Variants in JMJD1C observed in about 807,000 individuals in gnomAD.
JMJD1C encodes the protein jumonji domain-containing protein 1C.
A neutral mutation model predicts 245.3 loss-of-function variants in JMJD1C; 31 were observed. The ratio of observed to expected loss-of-function variants is 0.13; its 90% CI spans 0.09 to 0.17. The LOEUF (loss-of-function observed/expected upper bound fraction) is 0.17, where lower values mean the gene tolerates loss of function less well. JMJD1C is among the 10% of genes least tolerant of loss of function. JMJD1C has a pLI of 1.00. For missense variants in JMJD1C, 2,691 were observed against 3,000.2 expected (o/e 0.90, Z 2.41); for synonymous variants, 1,057 against 1,017.4 (o/e 1.04, Z -0.74).
At chr10:63,432,771 G>C (rs533023512) in intron 1 of JMJD1C, among the ~76,000 whole-genome samples, 1 of 152,142 alleles carries the variant, frequency 6.6e-6, no homozygotes. Flanking sequence ...ACCTAGAACA[G>C]CCATAAGAAG....
At chr10:63,225,426 C>T (rs1382588460) in intron 3 of JMJD1C, among the ~76,000 whole-genome samples, 1 of 152,108 alleles carries the variant, frequency 6.6e-6, no homozygotes, top group Non-Finnish European at 1.5e-5. Flanking sequence ...CCTCCTCTTG[C>T]AAAGATAGAC....
intron 2 of JMJD1C, among the ~76,000 whole-genome samples, chr10:63,379,734 T>C (rs1175969258): frequency 6.6e-6 from 1 of 152,184 alleles, no homozygotes; most frequent in African/African-American, 2.4e-5. Flanking sequence ...CAATTTATAT[T>C]TTAATTTGAT....
chr10:63,319,734 A>G (rs1306923297), intron 2 of JMJD1C, among the ~76,000 whole-genome samples: 1 of 152,126 alleles, frequency 6.6e-6, no homozygotes, highest in African/African-American at 2.4e-5. Context: ...TGTTCTTCAA[A>G]TAGATCAATT....
At chr10:63,509,223 T>A (rs181324130) in intron 1 of JMJD1C, among the ~76,000 whole-genome samples, 83 of 152,260 alleles carry the variant, frequency 5.5e-4, no homozygotes, top group African/African-American at 1.9e-3. Context: ...TGTGCTAGAT[T>A]ACACTAACTG....
rs758339158 is a variant in JMJD1C at position 63,207,898 on chromosome 10, T to G, written c.3771A>C (p.Pro1257=). The G allele has an allele frequency of 3.2e-5, 52 of 1,614,042 alleles. No homozygotes were observed. The East Asian group carries it at 1.1e-3, about 35-fold the overall frequency. The change falls in exon 10 of 26, where the codon CCA becomes CCC. Residue 1257 remains proline (P), a synonymous_variant. Coordinates refer to ENST00000399262, the MANE Select transcript of JMJD1C (RefSeq NM_032776.3). ...SQKPPTLIPE[P]KDSQANFKSS... The stretch of plus-strand genomic sequence containing the variant: ...TCTTAAAATTTGCCTGGGAGTCTTT[T>G]GGTTCGGGTATTAGAGTTGGAGGCT...
chr10:63,380,104 T>A (rs985552282), intron 2 of JMJD1C: 1 of 482,754 alleles, frequency 2.1e-6, no homozygotes, highest in African/African-American at 2.2e-5. Context: ...CACATCCAGC[T>A]ATTTTTTTTT....
chr10:63,442,935 C>T (rs1430422095), intron 1 of JMJD1C, among the ~76,000 whole-genome samples: 1 of 152,132 alleles, frequency 6.6e-6, no homozygotes, highest in Admixed American at 6.5e-5. Context: ...CCCTACAATT[C>T]AATTCTGACA....
chr10:63,301,326 TTCTC>T (rs1860047538), intron 2 of JMJD1C, among the ~76,000 whole-genome samples: 1 of 152,194 alleles, frequency 6.6e-6, no homozygotes, highest in African/African-American at 2.4e-5. Context: ...CTGAGAATCT[TTCTC>T]TCTCACATGC....
intron 1 of JMJD1C, among the ~76,000 whole-genome samples, chr10:63,458,885 G>C (rs1952597923): frequency 6.6e-6 from 1 of 151,900 alleles, no homozygotes; most frequent in African/African-American, 2.4e-5. Context: ...CACCACGCCT[G>C]GCTACTTTTT....
chr10:63,493,364 C>T (rs1475005020), intron 1 of JMJD1C, among the ~76,000 whole-genome samples: 2 of 138,164 alleles, frequency 1.4e-5, no homozygotes, highest in Non-Finnish European at 3.0e-5. Flanking sequence ...TTGGTTCAAG[C>T]GATTCTCCTG....
At position 63,168,585 on chromosome 10, in the gene JMJD1C, C is replaced by A; in HGVS notation, c.7402-19G>T. Reference sequence around the variant, plus strand: ...TCTGAACCTATCCCCAAAAGAAAAACCGTGAAATACAAGTTTTAGGAGGTG... The same window carrying A: ...TCTGAACCTATCCCCAAAAGAAAAAACGTGAAATACAAGTTTTAGGAGGTG... On this transcript the variant is annotated intron_variant, in intron 24 of 25. Transcript: ENST00000399262. 6.5e-7 allele frequency: 1 copy of A among 1,549,402 alleles called. No individual in the cohort carries two copies. The highest frequency in any genetic ancestry group is 1.4e-5 in the African/African-American group (1 of 71,252).
upstream of JMJD1C, chr10:63,466,193 A>G (rs1435363524): frequency 5.4e-6 from 1 of 185,294 alleles, no homozygotes; most frequent in Non-Finnish European, 1.1e-5. Flanking sequence ...GCCGCGGGAA[A>G]GTAGGCGACA....
chr10:63,351,579 T>C (rs991377497), intron 2 of JMJD1C, among the ~76,000 whole-genome samples: 15 of 152,166 alleles, frequency 9.9e-5, no homozygotes, highest in African/African-American at 3.1e-4. Flanking sequence ...CTGAGAGCAT[T>C]TGCTGAATGG....
chr10:63,406,953 A>C (rs1949207107), intron 1 of JMJD1C, among the ~76,000 whole-genome samples: 1 of 152,210 alleles, frequency 6.6e-6, no homozygotes, highest in African/African-American at 2.4e-5. Context: ...TGGGTAAAAT[A>C]AACTAATTTT....
At chr10:63,355,583 A>G (rs571357201) in intron 2 of JMJD1C, among the ~76,000 whole-genome samples, 2 of 152,320 alleles carry the variant, frequency 1.3e-5, no homozygotes, top group East Asian at 1.9e-4. Flanking sequence ...GAAAAAATTG[A>G]GCAGTATGTG....
chr10:63,303,515 A>AG (rs1860343062), intron 2 of JMJD1C, among the ~76,000 whole-genome samples: 1 of 152,186 alleles, frequency 6.6e-6, no homozygotes, highest in South Asian at 2.1e-4. Context: ...CATGTTGGCC[A>AG]GGCTGGTCTC....
In JMJD1C at chr10:63,167,915, G is replaced by T; in HGVS notation, c.*130C>A. 1.6e-6 allele frequency: 1 copy of T among 634,772 alleles called. No individual in the cohort carries two copies. Among genetic ancestry groups the T allele is most frequent in the South Asian group, 1.9e-5 (1 of 52,862 alleles). 39.3% of individuals were successfully genotyped at this position (634,772 alleles called of 1,614,324 possible). ...TATACTGCTGTGGTGTCAGTAACAA[G>T]TAATTACTACAAAGAGAATTTCTTG... On this transcript the variant is annotated 3_prime_UTR_variant, in exon 26 of 26. Coordinates refer to ENST00000399262, the MANE Select transcript of JMJD1C (RefSeq NM_032776.3).
chr10:63,186,205 A>T lies in JMJD1C; in HGVS notation c.6739+10T>A. On this transcript the variant is annotated intron_variant, in intron 19 of 25. Transcript: ENST00000399262. Reference sequence around the variant, plus strand: ...TGATGGAGAAAATAGTAAAATAAAAACCAACATACTTGAAACTTCTTCAAA... The same window carrying T: ...TGATGGAGAAAATAGTAAAATAAAATCCAACATACTTGAAACTTCTTCAAA... 6.3e-7 allele frequency: 1 copy of T among 1,593,708 alleles called. No homozygotes were observed. Among genetic ancestry groups the T allele is most frequent in the Non-Finnish European group, 8.6e-7 (1 of 1,169,166 alleles).
At chr10:63,449,939 T>A (rs912020274) in intron 1 of JMJD1C, among the ~76,000 whole-genome samples, 2 of 151,862 alleles carry the variant, frequency 1.3e-5, no homozygotes, top group African/African-American at 4.8e-5. Context: ...AAAGGGACAC[T>A]CCATCTTCAA....
Sources: allele counts gnomAD v4.1 joint callset (sites outside exome capture counted in the v4.1 genomes callset), GRCh38; gene constraint gnomAD v4.1.1; transcripts MANE v1.5; gene names NCBI Gene and HGNC (gene_info 2026-07-23, HGNC 2026-07-21).